ADCY9: variants seen among roughly 807,000 people sequenced by gnomAD.
ADCY9 encodes the protein adenylate cyclase type 9.
Under a neutral mutation model 101.5 loss-of-function variants are expected in ADCY9, and 50 were observed. That is an observed-to-expected ratio of 0.49 (90% CI 0.39 to 0.62). ADCY9 has a LOEUF of 0.62. Ranked by LOEUF, ADCY9 falls within the 20% of genes least tolerant of loss-of-function variation. The pLI is 0.00. For synonymous variants in ADCY9, 905 were observed against 769.3 expected, an observed-to-expected ratio of 1.18 and a Z score of -2.92; for missense variants, 1,662 against 1,800.4, an observed-to-expected ratio of 0.92 and a Z score of 1.39.
chr16:4,110,051 G>C (rs566658558), intron 2 of ADCY9, among the ~76,000 whole-genome samples: 2 of 152,256 alleles, frequency 1.3e-5, no homozygotes, highest in African/African-American at 4.8e-5. Context: ...GCCACAGCCT[G>C]ATCTCAGGAC....
intron 2 of ADCY9, among the ~76,000 whole-genome samples, chr16:4,106,114 A>T (rs78289667): frequency 6.6e-6 from 1 of 152,206 alleles, no homozygotes; most frequent in Non-Finnish European, 1.5e-5. Flanking sequence ...GGATGCCAGG[A>T]ATTTTTTACA....
intron 2 of ADCY9, among the ~76,000 whole-genome samples, chr16:4,102,454 T>A (rs1055017358): frequency 6.6e-6 from 1 of 152,212 alleles, no homozygotes; most frequent in African/African-American, 2.4e-5. Context: ...AGATGGAGTT[T>A]CGCTCTTGTT....
At chr16:4,002,875 C>T (rs2056340416) in intron 3 of ADCY9, among the ~76,000 whole-genome samples, 1 of 152,154 alleles carries the variant, frequency 6.6e-6, no homozygotes, top group Non-Finnish European at 1.5e-5. Context: ...GCCACCACAC[C>T]TGGCTAATTT....
At chr16:4,019,096 T>C (rs546784442) in intron 2 of ADCY9, among the ~76,000 whole-genome samples, 1 of 152,194 alleles carries the variant, frequency 6.6e-6, no homozygotes, top group African/African-American at 2.4e-5. Context: ...CCACCTCATC[T>C]TCCCAAGTAG....
chr16:4,098,551 T>TATTC (rs1245884087), intron 2 of ADCY9, among the ~76,000 whole-genome samples: 2 of 152,170 alleles, frequency 1.3e-5, no homozygotes, highest in African/African-American at 2.4e-5. Context: ...TTCATTCATT[T>TATTC]ATTCATTCAT....
intron 3 of ADCY9, among the ~76,000 whole-genome samples, chr16:4,005,523 C>A (rs1168770823): frequency 1.3e-5 from 2 of 152,210 alleles, no homozygotes; most frequent in Non-Finnish European, 2.9e-5. Context: ...GCCACCATGC[C>A]CGGCCTTCTG....
At chr16:4,069,247 T>G (rs561133916) in intron 2 of ADCY9, among the ~76,000 whole-genome samples, 37 of 147,652 alleles carry the variant, frequency 2.5e-4, no homozygotes, top group African/African-American at 9.3e-4. Context: ...ATTTTTTTTC[T>G]TATTTCAATA....
At chr16:4,024,183 T>C (rs1345839955) in intron 2 of ADCY9, among the ~76,000 whole-genome samples, 1 of 151,770 alleles carries the variant, frequency 6.6e-6, no homozygotes, top group East Asian at 2.0e-4. Flanking sequence ...CCACCATGCC[T>C]GGCTAATTTT....
intron 2 of ADCY9, among the ~76,000 whole-genome samples, chr16:4,015,101 G>C (rs2056429664): frequency 6.6e-6 from 1 of 151,758 alleles, no homozygotes; most frequent in South Asian, 2.1e-4. Flanking sequence ...CACTATGCCT[G>C]GCTAATTTTT....
intron 2 of ADCY9, among the ~76,000 whole-genome samples, chr16:4,098,241 T>C (rs56057686): frequency 2.4e-4 from 37 of 151,500 alleles, no homozygotes; most frequent in African/African-American, 8.7e-4. Flanking sequence ...TTTGTTTTTG[T>C]TTTTGGTTTT....
At chr16:3,993,606 G>A in intron 3 of ADCY9, 96 bp from the exon 4 acceptor site, 1 of 1,478,132 alleles carries the variant, frequency 6.8e-7, no homozygotes, top group Non-Finnish European at 9.3e-7. Context: ...CCGTCACGCA[G>A]CATGGTGGTG....
chr16:3,974,589 T>C, intron 10 of ADCY9, 80 bp downstream of exon 10: 1 of 1,201,462 alleles, frequency 8.3e-7, no homozygotes, highest in East Asian at 2.4e-5. Context: ...GATCCCATTG[T>C]TTTCAGGAAG....
At chr16:4,101,014 C>G (rs1022136312) in intron 2 of ADCY9, among the ~76,000 whole-genome samples, 1 of 152,216 alleles carries the variant, frequency 6.6e-6, no homozygotes, top group Admixed American at 6.5e-5. Context: ...TCTCTACTGA[C>G]AGGTATTATG....
At chr16:4,013,615 A>G (rs982876259) in intron 2 of ADCY9, among the ~76,000 whole-genome samples, 23 of 152,224 alleles carry the variant, frequency 1.5e-4, no homozygotes, top group African/African-American at 5.5e-4. Flanking sequence ...GCTGGTTCAG[A>G]AACATTCCAA....
chr16:4,089,919 T>C lies in ADCY9; in HGVS notation c.1693+23831A>G, dbSNP rs183816382. On this transcript the variant is annotated intron_variant, in intron 2 of 10. Coordinates refer to ENST00000294016, the MANE Select transcript of ADCY9 (RefSeq NM_001116.4). Reference sequence around the variant, plus strand: ...TGTTCCCTGGAAAAGCCAACCCCCCTTAATCCTGGGTAGTTTTACCTACCC... The same window carrying C: ...TGTTCCCTGGAAAAGCCAACCCCCCCTAATCCTGGGTAGTTTTACCTACCC... 2.3e-3 allele frequency among the ~76,000 whole-genome samples: 354 copies of C among 152,172 alleles called. 3 individuals carry two copies. The highest frequency in any genetic ancestry group is 0.021 in the Admixed American group (314 of 15,278).
intron 2 of ADCY9, among the ~76,000 whole-genome samples, chr16:4,082,618 A>G (rs2056910681): frequency 1.3e-5 from 2 of 151,628 alleles, no homozygotes; most frequent in South Asian, 4.2e-4. Flanking sequence ...AAGCACGCAC[A>G]CACACATGCA....
chr16:4,094,613 A>G (rs1016072276), intron 2 of ADCY9, among the ~76,000 whole-genome samples: 1 of 152,120 alleles, frequency 6.6e-6, no homozygotes, highest in Non-Finnish European at 1.5e-5. Context: ...GCAACACAGC[A>G]AGACCCCCAT....
At chr16:4,105,677 CAAAA>C (rs35983934) in intron 2 of ADCY9, among the ~76,000 whole-genome samples, 3 of 81,608 alleles carry the variant, frequency 3.7e-5, no homozygotes, top group Admixed American at 1.4e-4. Context: ...GACTCCGTCT[CAAAA>C]AAAAAAAAAA....
intron 2 of ADCY9, among the ~76,000 whole-genome samples, chr16:4,111,757 A>T (rs1442526897): frequency 6.6e-6 from 1 of 151,838 alleles, no homozygotes; most frequent in African/African-American, 2.4e-5. Context: ...AACTTTTATA[A>T]ATATACAATG....
Sources: allele counts gnomAD v4.1 joint callset (sites outside exome capture counted in the v4.1 genomes callset), GRCh38; gene constraint gnomAD v4.1.1; transcripts MANE v1.5; gene names NCBI Gene and HGNC (gene_info 2026-07-23, HGNC 2026-07-21).